Variants in DNMBP observed in about 807,000 individuals in gnomAD.
DNMBP encodes dynamin-binding protein.
In DNMBP, 87 loss-of-function variants were observed where a neutral mutation model predicts 150.0. The observed-to-expected ratio is 0.58, with a 90% CI of 0.49 to 0.69. DNMBP has a LOEUF of 0.69. DNMBP is among the 30% of genes least tolerant of loss of function. The pLI is 0.00. For synonymous variants in DNMBP, 711 were observed against 750.4 expected (o/e 0.95, Z 0.86); for missense variants, 1,774 against 1,949.0 (o/e 0.91, Z 1.69).
In DNMBP at chr10:99,877,049, C is replaced by T; in HGVS notation, c.*102G>A. On this transcript the variant is annotated 3_prime_UTR_variant, in exon 17 of 17. Coordinates refer to ENST00000324109, the MANE Select transcript of DNMBP (RefSeq NM_015221.4). Reference sequence around the variant, plus strand: ...CCATGCCATGGTTAAGCAACGCAGACAGGGCCTGTGTCTCAGGAGCAGGCG... The same window carrying T: ...CCATGCCATGGTTAAGCAACGCAGATAGGGCCTGTGTCTCAGGAGCAGGCG... 1 of 1,048,022 alleles carries T rather than the reference C, an allele frequency of 9.5e-7. No individual in the cohort carries two copies. 64.9% of individuals were successfully genotyped at this position (1,048,022 alleles called of 1,614,324 possible).
intron 3 of DNMBP, among the ~76,000 whole-genome samples, chr10:99,964,423 C>T (rs924784718): frequency 4.0e-5 from 6 of 151,556 alleles, no homozygotes; most frequent in South Asian, 2.1e-4. Flanking sequence ...CGCCCAGCCT[C>T]CTTGCACTAA....
At position 99,968,688 on chromosome 10, in the gene DNMBP, C is replaced by CA. The variant is rs397755241; in HGVS notation, c.268+426dup. 5.0e-3 allele frequency among the ~76,000 whole-genome samples: 545 copies of CA among 109,214 alleles called. 6 individuals carry two copies. Among genetic ancestry groups the CA allele is most frequent in the South Asian group, 0.025 (81 of 3,218 alleles). The allele number at this position is 109,214 out of a possible 152,430, so 71.6% of individuals were successfully genotyped here. A position where few individuals can be genotyped will look rare whatever the true frequency, so the allele number is the denominator to read the frequency against. ...GGGCAACAGAGTGAGACTACTGTCT[C>CA]AAAAAAAAAAAAAAAAAGAGAGAGA... On this transcript the variant is annotated intron_variant, in intron 3 of 16. Coordinates refer to ENST00000324109, the MANE Select transcript of DNMBP (RefSeq NM_015221.4).
intron 4 of DNMBP, among the ~76,000 whole-genome samples, chr10:99,936,808 G>C (rs1267613028): frequency 6.6e-6 from 1 of 152,076 alleles, no homozygotes; most frequent in Non-Finnish European, 1.5e-5. Flanking sequence ...GGGCTCAAGG[G>C]AGCCTCCCAC....
At chr10:99,944,209 AC>A (rs2040332552) in intron 4 of DNMBP, among the ~76,000 whole-genome samples, 1 of 152,224 alleles carries the variant, frequency 6.6e-6, no homozygotes, top group African/African-American at 2.4e-5. Flanking sequence ...CAATATGATC[AC>A]TGGGGTTTCA....
At chr10:99,885,937 A>G in intron 13 of DNMBP, 71 bp from the exon 14 acceptor site, 1 of 1,386,900 alleles carries the variant, frequency 7.2e-7, no homozygotes, top group Non-Finnish European at 9.7e-7. Flanking sequence ...AGAAAAGAAG[A>G]AAACATGATG....
chr10:99,962,151 A>G (rs1396647975), intron 3 of DNMBP, among the ~76,000 whole-genome samples: 13 of 152,202 alleles, frequency 8.5e-5, no homozygotes, highest in Non-Finnish European at 1.5e-4. Flanking sequence ...GAATTCTGAC[A>G]CTTGTATTTT....
At chr10:99,979,378 G>A (rs2040761325) in intron 1 of DNMBP, among the ~76,000 whole-genome samples, 1 of 152,152 alleles carries the variant, frequency 6.6e-6, no homozygotes, top group Non-Finnish European at 1.5e-5. Flanking sequence ...GGGGGTCGGG[G>A]AAGGACTCAA....
intron 4 of DNMBP, among the ~76,000 whole-genome samples, chr10:99,926,566 C>T (rs1277604437): frequency 2.0e-5 from 3 of 152,108 alleles, no homozygotes; most frequent in Admixed American, 6.6e-5. Flanking sequence ...TCTTTTAGGA[C>T]GCCGGGAAAT....
chr10:99,976,428 C>T (rs997814368), intron 1 of DNMBP, among the ~76,000 whole-genome samples: 27 of 152,174 alleles, frequency 1.8e-4, no homozygotes, highest in African/African-American at 6.5e-4. Context: ...ATACACAATA[C>T]CAGCACTGTC....
chr10:99,987,870 G>A (rs2040844846), intron 1 of DNMBP, among the ~76,000 whole-genome samples: 1 of 152,180 alleles, frequency 6.6e-6, no homozygotes, highest in African/African-American at 2.4e-5. Flanking sequence ...TGTGGTAGTT[G>A]ATATAAACTG....
At chr10:99,891,698 G>A (rs1437570045) in intron 11 of DNMBP, among the ~76,000 whole-genome samples, 5 of 149,354 alleles carry the variant, frequency 3.3e-5, no homozygotes, top group Admixed American at 6.6e-5. Context: ...GAGCGTCTCT[G>A]CCCGGCCGCC....
chr10:99,913,925 G>A (rs1483954763), intron 4 of DNMBP: 3 of 1,312,990 alleles, frequency 2.3e-6, no homozygotes, highest in East Asian at 3.1e-5. Flanking sequence ...ACTTCCTTCT[G>A]TGCTGGCTCC....
At chr10:99,964,135 C>CTCTTT (rs1299820462) in intron 3 of DNMBP, among the ~76,000 whole-genome samples, 14 of 87,224 alleles carry the variant, frequency 1.6e-4, no homozygotes, top group South Asian at 8.7e-4. Flanking sequence ...TATTCTCTCT[C>CTCTTT]TTTTTTTTTT....
rs2041023497 is a variant in DNMBP, at chr10:100,002,352, G to A, written c.-11+7486C>T. On this transcript the variant is annotated intron_variant, in intron 1 of 16. Transcript: ENST00000324109. ...AGAAAAAGAAAGAGAGAGAAGAGCT[G>A]GCCATGAGAATTCACTGCCCAACAC... is the stretch of plus-strand genomic sequence containing the variant. 3.3e-5 allele frequency among the ~76,000 whole-genome samples: 5 copies of A among 152,210 alleles called. 1 individual carries two copies. In the South Asian group the frequency reaches 1.0e-3, roughly 32 times the overall value.
At chr10:99,919,588 T>C (rs1228225049) in intron 4 of DNMBP, among the ~76,000 whole-genome samples, 1 of 152,030 alleles carries the variant, frequency 6.6e-6, no homozygotes, top group African/African-American at 2.4e-5. Flanking sequence ...AGGTAAGGAG[T>C]TTGAGACCAG....
At chr10:99,964,088 C>G (rs976159745) in intron 3 of DNMBP, among the ~76,000 whole-genome samples, 10 of 148,960 alleles carry the variant, frequency 6.7e-5, no homozygotes, top group African/African-American at 2.5e-4. Flanking sequence ...ATAATATGCA[C>G]TAACTTGTTT....
At chr10:99,895,490 C>T (rs2039639562) in intron 10 of DNMBP, among the ~76,000 whole-genome samples, 1 of 152,182 alleles carries the variant, frequency 6.6e-6, no homozygotes, top group Non-Finnish European at 1.5e-5. Flanking sequence ...TTTCCTGAAT[C>T]ATAGTGAATT....
rs759618419 is a variant in DNMBP at position 99,955,634 on chromosome 10, G to C, written c.1840C>G (p.Arg614Gly). ...RRKALRPPPP[R>G]PCTPVSTSPH... ...GAAGTGGATACCGGAGTACAGGGAC[G>C]AGGTGGCGGTGGCCTTAGGGCCTTT... is the stretch of plus-strand genomic sequence containing the variant. Residue 614 changes from arginine to glycine, a missense_variant, in exon 4 of 17, where the codon CGT becomes GGT. By Grantham distance (125) the Arg-to-Gly change is moderately radical (BLOSUM62 -2). Transcript: ENST00000324109. 9 of 1,614,108 alleles carry C rather than the reference G, an allele frequency of 5.6e-6. No individual in the cohort carries two copies. Among genetic ancestry groups the C allele is most frequent in the Non-Finnish European group, 7.6e-6 (9 of 1,180,052 alleles).
chr10:99,955,974 G>A lies in DNMBP; in HGVS notation c.1500C>T (p.His500=), dbSNP rs760176292. 9 of 1,614,198 alleles carry A rather than the reference G, an allele frequency of 5.6e-6. No individual in the cohort carries two copies. The South Asian group carries it at 7.7e-5, about 14-fold the overall frequency. The change falls in exon 4 of 17, where the codon CAC becomes CAT. Residue 500 remains histidine, a synonymous_variant. Coordinates refer to ENST00000324109, the MANE Select transcript of DNMBP (RefSeq NM_015221.4). ...VKPRQSSPQL[H]NLASYTKKHH... ...GCTTTTTAGTATAACTTGCTAGGTT[G>A]TGGAGCTGAGGACTTGATTGTCTGG...
Sources: gnomAD v4.1 joint callset for allele counts (sites outside exome capture counted in the v4.1 genomes callset) on GRCh38, gnomAD v4.1.1 for gene constraint, MANE v1.5 for transcripts, NCBI Gene and HGNC (gene_info 2026-07-23, HGNC 2026-07-21) for gene names.